Variants in EHBP1 observed in about 807,000 individuals in gnomAD.
The protein encoded by EHBP1 is EH domain-binding protein 1.
In EHBP1, 55 loss-of-function variants were observed where a neutral mutation model predicts 144.0. That is an observed-to-expected ratio of 0.38 (90% confidence interval 0.31 to 0.48). The LOEUF (loss-of-function observed/expected upper bound fraction) is 0.48, where lower values mean the gene tolerates loss of function less well. Among genes scored for constraint, EHBP1 ranks in the 20% least tolerant of loss-of-function variants. EHBP1 has a pLI of 0.98. For synonymous variants in EHBP1, 469 were observed against 472.7 expected (o/e 0.99, Z 0.10); for missense variants, 1,200 against 1,364.2 (o/e 0.88, Z 1.90).
intron 15 of EHBP1, among the ~76,000 whole-genome samples, chr2:62,982,118 G>A (rs182913017): frequency 3.3e-5 from 5 of 152,288 alleles, no homozygotes; most frequent in African/African-American, 1.2e-4. Context: ...TATTGAGAGT[G>A]AGAGTTGTGT....
rs570349791 is a variant in EHBP1 at position 62,748,549 on chromosome 2, A to G, written c.162+1097A>G. ...TGGTGATGCACCTGTAGTCCCAGCTACTGAAGAGGTTGAGATGAGAGGATT... is the reference window on the plus strand; with the variant it reads ...TGGTGATGCACCTGTAGTCCCAGCTGCTGAAGAGGTTGAGATGAGAGGATT... On this transcript the variant is annotated intron_variant, in intron 3 of 22. Coordinates refer to ENST00000431489, the MANE Select transcript of EHBP1 (RefSeq NM_001142616.3). Among the ~76,000 whole-genome samples, 5 of 152,204 alleles carry G rather than the reference A, an allele frequency of 3.3e-5. No homozygotes were observed. In the East Asian group the frequency reaches 9.6e-4, roughly 29 times the overall value.
intron 10 of EHBP1, among the ~76,000 whole-genome samples, chr2:62,924,431 A>T (rs547939376): frequency 6.6e-4 from 100 of 152,320 alleles, no homozygotes; most frequent in Non-Finnish European, 9.6e-4. Flanking sequence ...CAAAAAGTTG[A>T]TTTTTTGAAA....
At chr2:62,737,007 T>TAA (rs2038201087) in intron 2 of EHBP1, among the ~76,000 whole-genome samples, 1 of 152,172 alleles carries the variant, frequency 6.6e-6, no homozygotes, top group Non-Finnish European at 1.5e-5. Flanking sequence ...TATAGTCCTA[T>TAA]GATTAAGTCT....
chr2:62,997,141 G>A (rs2059665788), intron 19 of EHBP1, among the ~76,000 whole-genome samples: 1 of 152,142 alleles, frequency 6.6e-6, no homozygotes, highest in Non-Finnish European at 1.5e-5. Flanking sequence ...ATGAAACAGA[G>A]CACTGTGCAT....
chr2:62,822,260 A>G (rs1200389205), intron 5 of EHBP1, among the ~76,000 whole-genome samples: 1 of 152,144 alleles, frequency 6.6e-6, no homozygotes, highest in Non-Finnish European at 1.5e-5. Context: ...CATTGTTACT[A>G]CTTGAATAGC....
At chr2:62,710,973 T>G (rs1384629385) in intron 2 of EHBP1, among the ~76,000 whole-genome samples, 1 of 152,206 alleles carries the variant, frequency 6.6e-6, no homozygotes, top group Non-Finnish European at 1.5e-5. Context: ...AACCTACTTT[T>G]GAAATAAATT....
At chr2:62,890,690 A>T (rs2052385143) in intron 10 of EHBP1, among the ~76,000 whole-genome samples, 3 of 152,318 alleles carry the variant, frequency 2.0e-5, no homozygotes, top group South Asian at 2.1e-4. Flanking sequence ...GCATACAGGG[A>T]TAGTATAACT....
chr2:62,855,468 G>A (rs1174409488), intron 7 of EHBP1, among the ~76,000 whole-genome samples: 1 of 152,142 alleles, frequency 6.6e-6, no homozygotes, highest in Non-Finnish European at 1.5e-5. Context: ...GGTAGAAGGA[G>A]GAAGGTCTCT....
At chr2:62,683,313 A>G (rs1348260035) in intron 1 of EHBP1, among the ~76,000 whole-genome samples, 2 of 152,132 alleles carry the variant, frequency 1.3e-5, no homozygotes, top group East Asian at 3.9e-4. Context: ...GTTGAATTTC[A>G]TTGTCTTGGC....
intron 10 of EHBP1, among the ~76,000 whole-genome samples, chr2:62,936,230 G>C (rs1336135968): frequency 1.3e-5 from 2 of 152,040 alleles, no homozygotes; most frequent in African/African-American, 4.8e-5. Context: ...AAGCCAACTG[G>C]AATATTCTTT....
intron 19 of EHBP1, among the ~76,000 whole-genome samples, chr2:63,001,417 A>T (rs1476250833): frequency 6.6e-6 from 1 of 152,216 alleles, no homozygotes; most frequent in African/African-American, 2.4e-5. Flanking sequence ...ATAAATTAAA[A>T]GAACTTTTTT....
chr2:62,872,682 C>A (rs781150868), intron 9 of EHBP1, among the ~76,000 whole-genome samples: 2 of 152,086 alleles, frequency 1.3e-5, no homozygotes, highest in Admixed American at 1.3e-4. Context: ...TCTACCATTA[C>A]CACTATCTAA....
chr2:62,908,156 G>A (rs541696613), intron 10 of EHBP1, among the ~76,000 whole-genome samples: 3 of 152,196 alleles, frequency 2.0e-5, no homozygotes, highest in Admixed American at 6.5e-5. Context: ...GGTAATTTTT[G>A]TGTGTGTGAA....
chr2:62,849,761 T>C (rs1403238023), intron 7 of EHBP1, among the ~76,000 whole-genome samples: 4 of 152,200 alleles, frequency 2.6e-5, no homozygotes, highest in Non-Finnish European at 5.9e-5. Flanking sequence ...AATTGCTAGT[T>C]GTTAGAAATA....
At chr2:63,003,221 A>G (rs2059915553) in intron 19 of EHBP1, among the ~76,000 whole-genome samples, 1 of 152,064 alleles carries the variant, frequency 6.6e-6, no homozygotes, top group Admixed American at 6.6e-5. Flanking sequence ...AACTCTATTG[A>G]CCACCAATGG....
At chr2:62,790,515 A>G (rs1462874216) in intron 5 of EHBP1, among the ~76,000 whole-genome samples, 1 of 152,184 alleles carries the variant, frequency 6.6e-6, no homozygotes, top group East Asian at 1.9e-4. Context: ...CTTTACAGAA[A>G]ATAGTGTTAC....
chr2:62,798,304 G>T (rs2043699920), intron 5 of EHBP1, among the ~76,000 whole-genome samples: 1 of 152,060 alleles, frequency 6.6e-6, no homozygotes, highest in Admixed American at 6.5e-5. Flanking sequence ...AGGGGCAGAG[G>T]TTGCAGTGAG....
intron 19 of EHBP1, among the ~76,000 whole-genome samples, chr2:62,998,141 C>T (rs986852790): frequency 3.9e-5 from 6 of 152,106 alleles, no homozygotes; most frequent in African/African-American, 1.4e-4. Flanking sequence ...ACATGGTAGA[C>T]CTTAGATTGG....
At chr2:62,996,428 T>C (rs1193955916) in intron 18 of EHBP1, among the ~76,000 whole-genome samples, 1 of 152,174 alleles carries the variant, frequency 6.6e-6, no homozygotes, top group Admixed American at 6.6e-5. Flanking sequence ...CTAAACATAA[T>C]AGTAAACAGC....
Sources: allele counts gnomAD v4.1 joint callset (sites outside exome capture counted in the v4.1 genomes callset), GRCh38; gene constraint gnomAD v4.1.1; transcripts MANE v1.5; gene names NCBI Gene and HGNC (gene_info 2026-07-23, HGNC 2026-07-21).